The following MYO6 variants were observed in gnomAD, a reference collection of about 807,000 sequenced individuals.
The protein encoded by MYO6 is myosin VI, also known as unconventional myosin-VI.
Under a neutral mutation model 178.7 loss-of-function variants are expected in MYO6, and 74 were observed. The observed-to-expected ratio is 0.41, with a 90% confidence interval of 0.34 to 0.50. MYO6 has a LOEUF of 0.50. Ranked by LOEUF, MYO6 falls within the 20% of genes least tolerant of loss-of-function variation. The pLI, the probability that MYO6 is intolerant of heterozygous loss-of-function variation, is 0.09. For missense variants in MYO6, 1,330 were observed against 1,547.4 expected, an observed-to-expected ratio of 0.86 and a Z score of 2.36; for synonymous variants, 477 against 504.6, an observed-to-expected ratio of 0.95 and a Z score of 0.73.
At chr6:75,901,919 G>C (rs909603224) in intron 30 of MYO6, among the ~76,000 whole-genome samples, 8 of 152,102 alleles carry the variant, frequency 5.3e-5, no homozygotes, top group African/African-American at 2.4e-5. Context: ...AATTTATTGA[G>C]AGTTTTTAGC....
Position 75,757,150 on chromosome 6 carries a change from TTG to T in MYO6, c.-48+7737_-48+7738del, listed in dbSNP as rs764235553. ...GTATATACAAGAGTACTTATGTGTG[TTG>T]TGTGTGTGTATGTATATACACACAT... On this transcript the variant is annotated intron_variant, in intron 1 of 34. Coordinates refer to ENST00000369977, the MANE Select transcript of MYO6 (RefSeq NM_004999.4). Among the ~76,000 whole-genome samples, 97 of 147,672 alleles carry T rather than the reference TTG, an allele frequency of 6.6e-4. 1 individual carries two copies. The highest frequency in any genetic ancestry group is 1.9e-3 in the African/African-American group (75 of 40,510).
At chr6:75,850,102 A>G (rs1006750718) in intron 11 of MYO6, among the ~76,000 whole-genome samples, 23 of 152,122 alleles carry the variant, frequency 1.5e-4, no homozygotes, top group African/African-American at 4.8e-4. Context: ...GGAATATTTT[A>G]AGCACATATC....
intron 23 of MYO6, 79 bp from the exon 24 acceptor site, chr6:75,885,925 T>C: frequency 1.2e-6 from 1 of 845,082 alleles, no homozygotes; most frequent in East Asian, 2.7e-5. Flanking sequence ...AGCATTACTT[T>C]GTGAAAATGA....
At chr6:75,768,323 ATTCATTTTATTTTATTTTAT>A (rs1562129658) in intron 1 of MYO6, among the ~76,000 whole-genome samples, 1 of 149,880 alleles carries the variant, frequency 6.7e-6, no homozygotes, top group African/African-American at 2.4e-5. Context: ...AGTGTAAATA[ATTCATTTTATTTTATTTTAT>A]TTTATTTTAT....
chr6:75,759,571 A>T (rs1282502190), intron 1 of MYO6, among the ~76,000 whole-genome samples: 2 of 150,128 alleles, frequency 1.3e-5, no homozygotes, highest in African/African-American at 4.9e-5. Context: ...TGGGGAGCCC[A>T]GGTGATTTTT....
intron 1 of MYO6, among the ~76,000 whole-genome samples, chr6:75,805,015 ATATATATT>A (rs1235112978): frequency 3.3e-5 from 2 of 60,364 alleles, no homozygotes; most frequent in Non-Finnish European, 5.4e-5. Context: ...ATATATATAT[ATATATATT>A]TTTTTTTTTT....
chr6:75,864,474 C>T (rs1776477513), intron 16 of MYO6, among the ~76,000 whole-genome samples: 1 of 152,166 alleles, frequency 6.6e-6, no homozygotes, highest in Non-Finnish European at 1.5e-5. Flanking sequence ...CAATATGTAT[C>T]CTCAACAAAA....
At chr6:75,825,303 T>C (rs1201806864) in intron 3 of MYO6, among the ~76,000 whole-genome samples, 1 of 152,104 alleles carries the variant, frequency 6.6e-6, no homozygotes, top group Admixed American at 6.6e-5. Context: ...AGTATAAAAT[T>C]GGAAAGAAAC....
intron 1 of MYO6, among the ~76,000 whole-genome samples, chr6:75,813,645 A>G (rs1285081252): frequency 6.6e-6 from 1 of 152,154 alleles, no homozygotes; most frequent in East Asian, 1.9e-4. Flanking sequence ...GTGCTGGGTC[A>G]TACCTGAAGC....
intron 22 of MYO6, among the ~76,000 whole-genome samples, chr6:75,880,875 G>A (rs1353705423): frequency 6.6e-6 from 1 of 152,212 alleles, no homozygotes; most frequent in East Asian, 1.9e-4. Context: ...TGGAAATAAT[G>A]TATTTTATTA....
Position 75,895,216 on chromosome 6 carries a change from A to G in MYO6, c.3108-15A>G, listed in dbSNP as rs1467901354. The G allele has an allele frequency of 1.3e-6, 2 of 1,593,584 alleles. No homozygotes were observed. Among genetic ancestry groups the G allele is most frequent in the Middle Eastern group, 1.7e-4 (1 of 6,038 alleles). ...AATTGGTTACGATATTAACTAAAAT[A>G]TATTCTTTTCACAGAAATGATGGAA... On this transcript the variant is annotated splice_polypyrimidine_tract_variant and intron_variant, in intron 28 of 34. Transcript: ENST00000369977.
rs973371047 is a variant in MYO6 at position 75,916,912 on chromosome 6, C to T, written c.*1900C>T. The stretch of plus-strand genomic sequence containing the variant: ...TAGTTTTTGACTCTAATAGTTAATA[C>T]AATTATAGTTAATCTTAAGCCATAA... On this transcript the variant is annotated 3_prime_UTR_variant, in exon 35 of 35. Transcript: ENST00000369977. The T allele has an allele frequency of 6.6e-6, 1 of 152,176 alleles. No individual in the cohort carries two copies. Among genetic ancestry groups the T allele is most frequent in the African/African-American group, 2.4e-5 (1 of 41,450 alleles). The allele number at this position is 152,176 out of a possible 1,614,324, so 9.4% of individuals were successfully genotyped here.
At position 75,914,071 on chromosome 6, in the gene MYO6, A is replaced by G. The variant is rs963743664; in HGVS notation, c.3448A>G (p.Asn1150Asp). The G allele has an allele frequency of 3.1e-6, 5 of 1,614,002 alleles. No homozygotes were observed. The highest frequency in any genetic ancestry group is 4.2e-6 in the Non-Finnish European group (5 of 1,180,004). ...APFLNNSPQQ[N>D]PAAQIPARQR... ...CTTGTTCTGTGTAATAGCTCAGCAA[A>G]ACCCAGCAGCTCAGATTCCTGCCAG... Residue 1150 changes from asparagine to aspartate, a missense_variant, in exon 34 of 35, where the codon AAC (asparagine) becomes GAC (aspartate). Coordinates refer to ENST00000369977, the MANE Select transcript of MYO6 (RefSeq NM_004999.4).
chr6:75,819,564 A>G (rs1443384657), intron 2 of MYO6, among the ~76,000 whole-genome samples: 1 of 152,202 alleles, frequency 6.6e-6, no homozygotes, highest in East Asian at 1.9e-4. Context: ...TGTGACCCAT[A>G]GTAAAATAGA....
chr6:75,879,422 T>A (rs1390139159), intron 20 of MYO6, among the ~76,000 whole-genome samples: 1 of 148,510 alleles, frequency 6.7e-6, no homozygotes, highest in Non-Finnish European at 1.5e-5. Context: ...TTTCTCTATT[T>A]TTTTTTTTTT....
intron 1 of MYO6, among the ~76,000 whole-genome samples, chr6:75,781,901 G>A (rs1436523513): frequency 8.5e-6 from 1 of 117,484 alleles, no homozygotes; most frequent in Non-Finnish European, 1.6e-5. Flanking sequence ...CTGAGCGACT[G>A]AGCAAGACTC....
At chr6:75,869,308 A>G (rs981347583) in intron 18 of MYO6, among the ~76,000 whole-genome samples, 6 of 152,082 alleles carry the variant, frequency 3.9e-5, no homozygotes, top group Admixed American at 2.0e-4. Context: ...GCTTCTCAGT[A>G]TATGTGATGT....
intron 23 of MYO6, among the ~76,000 whole-genome samples, chr6:75,882,638 A>G (rs1010252576): frequency 1.3e-5 from 2 of 152,190 alleles, no homozygotes; most frequent in Admixed American, 1.3e-4. Context: ...ATTTATTTAC[A>G]TTTTAAAAAG....
chr6:75,883,438 A>C (rs1202309749), intron 23 of MYO6, among the ~76,000 whole-genome samples: 1 of 152,140 alleles, frequency 6.6e-6, no homozygotes, highest in Non-Finnish European at 1.5e-5. Context: ...GAATATGTTC[A>C]TATTCATTTT....
Sources: allele counts gnomAD v4.1 joint callset (sites outside exome capture counted in the v4.1 genomes callset), GRCh38; gene constraint gnomAD v4.1.1; transcripts MANE v1.5; gene names NCBI Gene and HGNC (gene_info 2026-07-23, HGNC 2026-07-21).